The following MALRD1 variants were observed in gnomAD, a reference collection of about 807,000 sequenced individuals.
MALRD1 encodes the protein MAM and LDL-receptor class A domain-containing protein 1.
MALRD1 carries 247 observed loss-of-function variants against 242.1 expected under a neutral mutation model. The ratio of observed to expected loss-of-function variants is 1.02; its 90% CI spans 0.92 to 1.13. The LOEUF is 1.13. MALRD1 is among the 50% of genes most tolerant of loss of function. The pLI, the probability that MALRD1 is intolerant of heterozygous loss-of-function variation, is 0.00. For missense variants in MALRD1, 2,989 were observed against 2,533.1 expected (o/e 1.18, Z -3.86); for synonymous variants, 995 against 866.6 (o/e 1.15, Z -2.60).
At chr10:19,188,950 T>C (rs1374048517) in intron 14 of MALRD1, among the ~76,000 whole-genome samples, 4 of 151,926 alleles carry the variant, frequency 2.6e-5, no homozygotes, top group African/African-American at 9.7e-5. Context: ...AATATAAAGA[T>C]AATAAAGCAA....
chr10:19,623,767 G>A (rs1339695189), intron 36 of MALRD1, among the ~76,000 whole-genome samples: 1 of 152,042 alleles, frequency 6.6e-6, no homozygotes, highest in East Asian at 1.9e-4. Flanking sequence ...GTTGCATGAA[G>A]CCTCCCCTCA....
intron 32 of MALRD1, among the ~76,000 whole-genome samples, chr10:19,564,643 G>A (rs1003943183): frequency 1.3e-5 from 2 of 152,034 alleles, no homozygotes; most frequent in African/African-American, 4.8e-5. Context: ...TTTTTAGAAA[G>A]CTATTTCAAA....
chr10:19,417,820 A>T (rs544579172), intron 28 of MALRD1, among the ~76,000 whole-genome samples: 23 of 152,270 alleles, frequency 1.5e-4, no homozygotes, highest in Non-Finnish European at 2.9e-4. Context: ...ATTCTCAGTG[A>T]GCTGAATGCA....
intron 36 of MALRD1, among the ~76,000 whole-genome samples, chr10:19,618,849 T>A (rs1435952103): frequency 6.6e-6 from 1 of 152,044 alleles, no homozygotes; most frequent in Non-Finnish European, 1.5e-5. Flanking sequence ...CCCATGCCTG[T>A]CACTCTCCTT....
chr10:19,576,825 C>G (rs1001090073), intron 33 of MALRD1, among the ~76,000 whole-genome samples: 7 of 152,152 alleles, frequency 4.6e-5, no homozygotes, highest in Non-Finnish European at 7.4e-5. Flanking sequence ...TTAATCCTCC[C>G]CACAGGAAAC....
chr10:19,108,940 C>T (rs1406764769), intron 5 of MALRD1, among the ~76,000 whole-genome samples: 3 of 152,220 alleles, frequency 2.0e-5, no homozygotes, highest in Non-Finnish European at 2.9e-5. Context: ...GGAATAATTG[C>T]TCCTTCCAAT....
intron 2 of MALRD1, among the ~76,000 whole-genome samples, chr10:19,070,763 A>G (rs970591346): frequency 6.8e-6 from 1 of 146,190 alleles, no homozygotes; most frequent in Non-Finnish European, 1.5e-5. Context: ...GGGATGCATT[A>G]TATATATTTT....
At chr10:19,156,786 T>C (rs752444373) in intron 12 of MALRD1, among the ~76,000 whole-genome samples, 1 of 152,116 alleles carries the variant, frequency 6.6e-6, no homozygotes, top group African/African-American at 2.4e-5. Context: ...GTCACTGGGA[T>C]TGAGTTTCAG....
At chr10:19,426,264 A>G (rs1833900345) in intron 28 of MALRD1, among the ~76,000 whole-genome samples, 3 of 152,182 alleles carry the variant, frequency 2.0e-5, no homozygotes, top group Non-Finnish European at 4.4e-5. Flanking sequence ...CATGTCAAAT[A>G]AATAGAGAGC....
intron 29 of MALRD1, among the ~76,000 whole-genome samples, chr10:19,478,773 G>T (rs1836856148): frequency 6.6e-6 from 1 of 152,076 alleles, no homozygotes; most frequent in Non-Finnish European, 1.5e-5. Flanking sequence ...TGTTAGCTGT[G>T]TTTATATAGA....
chr10:19,403,223 T>C (rs781397763), intron 28 of MALRD1, among the ~76,000 whole-genome samples: 16 of 152,166 alleles, frequency 1.1e-4, no homozygotes, highest in Non-Finnish European at 2.2e-4. Context: ...ATTGTGAATA[T>C]TATGCCTCCA....
intron 9 of MALRD1, among the ~76,000 whole-genome samples, chr10:19,135,014 G>C (rs763955017): frequency 6.6e-6 from 1 of 152,120 alleles, no homozygotes; most frequent in Non-Finnish European, 1.5e-5. Context: ...TATGGGAAAA[G>C]TATGTAGCAG....
intron 14 of MALRD1, among the ~76,000 whole-genome samples, chr10:19,195,224 A>C (rs752456043): frequency 1.3e-5 from 2 of 152,208 alleles, no homozygotes; most frequent in Non-Finnish European, 2.9e-5. Flanking sequence ...GGGATTACTA[A>C]AAGCAATATT....
At chr10:19,073,371 A>G (rs1196511040) in intron 2 of MALRD1, among the ~76,000 whole-genome samples, 1 of 152,042 alleles carries the variant, frequency 6.6e-6, no homozygotes, top group Non-Finnish European at 1.5e-5. Flanking sequence ...CCAGTGTGTA[A>G]GACATCATGA....
intron 20 of MALRD1, among the ~76,000 whole-genome samples, chr10:19,281,304 A>T (rs1840799217): frequency 2.0e-5 from 3 of 152,270 alleles, no homozygotes; most frequent in South Asian, 4.1e-4. Context: ...AGGCATTCGA[A>T]TCCCCTTATG....
intron 21 of MALRD1, among the ~76,000 whole-genome samples, chr10:19,287,425 A>G (rs887707834): frequency 1.3e-5 from 2 of 152,084 alleles, no homozygotes; most frequent in African/African-American, 4.8e-5. Flanking sequence ...ATATTTATAC[A>G]CAGTTCTGTT....
At chr10:19,404,893 T>C (rs902587455) in intron 28 of MALRD1, among the ~76,000 whole-genome samples, 3 of 152,198 alleles carry the variant, frequency 2.0e-5, no homozygotes, top group African/African-American at 7.2e-5. Flanking sequence ...TCTGAAAATA[T>C]ACGAAATTCT....
intron 26 of MALRD1, among the ~76,000 whole-genome samples, chr10:19,355,399 GTTAA>G (rs1844574399): frequency 6.8e-6 from 1 of 146,446 alleles, no homozygotes; most frequent in Non-Finnish European, 1.5e-5. Context: ...AATATAAAAG[GTTAA>G]TTATATTAAA....
At chr10:19,292,305 T>C (rs1841477763) in intron 21 of MALRD1, among the ~76,000 whole-genome samples, 1 of 152,074 alleles carries the variant, frequency 6.6e-6, no homozygotes, top group Non-Finnish European at 1.5e-5. Context: ...TGTCTTTCTG[T>C]TGGATCAAAA....
Sources: gnomAD v4.1 joint callset for allele counts (sites outside exome capture counted in the v4.1 genomes callset) on GRCh38, gnomAD v4.1.1 for gene constraint, MANE v1.5 for transcripts, NCBI Gene and HGNC (gene_info 2026-07-23, HGNC 2026-07-21) for gene names.